The following GLB1 variants were observed in gnomAD, a reference collection of about 807,000 sequenced individuals.
GLB1 encodes beta-galactosidase.
A neutral mutation model predicts 74.0 loss-of-function variants in GLB1; 56 were observed. The observed-to-expected ratio is 0.76, with a 90% confidence interval of 0.61 to 0.94. GLB1 has a LOEUF of 0.94. GLB1 is among the 40% of genes least tolerant of loss of function. The pLI, the probability that GLB1 is intolerant of heterozygous loss-of-function variation, is 0.00. For synonymous variants in GLB1, 323 were observed against 323.6 expected (o/e 1.00, Z 0.02); for missense variants, 787 against 845.5 (o/e 0.93, Z 0.86).
intron 1 of GLB1, among the ~76,000 whole-genome samples, chr3:33,078,169 A>G (rs193007418): frequency 1.3e-5 from 2 of 152,326 alleles, no homozygotes; most frequent in African/African-American, 4.8e-5. Flanking sequence ...GCTCGAGCCC[A>G]GGAGGTCAAG....
intron 1 of GLB1, chr3:33,092,665 A>G: frequency 7.1e-7 from 1 of 1,402,110 alleles, no homozygotes; most frequent in East Asian, 2.5e-5. Context: ...CAGCCTGAAC[A>G]TGCCAGGCAG....
intron 1 of GLB1, chr3:33,094,012 A>G (rs1700891324): frequency 6.2e-7 from 1 of 1,614,122 alleles, no homozygotes; most frequent in Admixed American, 1.7e-5. Flanking sequence ...CGCCAAATGT[A>G]GAGGGAGCCA....
At chr3:33,026,001 C>G (rs1240855966) in intron 10 of GLB1, among the ~76,000 whole-genome samples, 1 of 152,154 alleles carries the variant, frequency 6.6e-6, no homozygotes, top group Admixed American at 6.5e-5. Flanking sequence ...GAGTCACCCG[C>G]TGGTGGGGGA....
At chr3:33,002,593 G>C (rs1696625028) in intron 15 of GLB1, among the ~76,000 whole-genome samples, 3 of 152,076 alleles carry the variant, frequency 2.0e-5, no homozygotes, top group Admixed American at 2.0e-4. Context: ...TTTAAAAATA[G>C]ACATAGAATC....
intron 14 of GLB1, among the ~76,000 whole-genome samples, chr3:33,014,814 A>G (rs536653255): frequency 1.4e-4 from 21 of 152,268 alleles, no homozygotes; most frequent in South Asian, 8.3e-4. Context: ...TAAAAATACA[A>G]AAGTTAGCTG....
At chr3:33,059,872 G>A (rs1699373861) in intron 5 of GLB1, among the ~76,000 whole-genome samples, 1 of 152,138 alleles carries the variant, frequency 6.6e-6, no homozygotes, top group African/African-American at 2.4e-5. Context: ...TGTGATCCTG[G>A]GAATACATGA....
chr3:33,010,047 C>CT, intron 15 of GLB1, among the ~76,000 whole-genome samples: 1 of 152,322 alleles, frequency 6.6e-6, no homozygotes, highest in East Asian at 1.9e-4. Context: ...TATAATACTG[C>CT]TATAAACACT....
At chr3:33,095,360 A>G (rs920709044) in intron 1 of GLB1, among the ~76,000 whole-genome samples, 2 of 151,244 alleles carry the variant, frequency 1.3e-5, no homozygotes, top group Admixed American at 6.6e-5. Flanking sequence ...TACTAAAAAT[A>G]CAAAAAAAGA....
intron 10 of GLB1, among the ~76,000 whole-genome samples, chr3:33,028,303 A>C (rs902814467): frequency 1.3e-5 from 2 of 152,200 alleles, no homozygotes; most frequent in Admixed American, 1.3e-4. Flanking sequence ...TTAACACATG[A>C]GAGTACAGCC....
At chr3:33,091,401 A>C in intron 1 of GLB1, 1 of 985,524 alleles carries the variant, frequency 1.0e-6, no homozygotes, top group Non-Finnish European at 1.2e-6. Flanking sequence ...AACCCCTAGC[A>C]GTTGCTGCTT....
rs1385721193 is a variant in GLB1, at chr3:33,096,915, G to C, written c.75+96C>G. On this transcript the variant is annotated intron_variant, in intron 1 of 15. Transcript: ENST00000307363. ...GGGCACTTCGGGGCTCAGGCTCCCC[G>C]CCCTGCGGGACCGCGGGTGGCTGCG... 9 of 1,530,584 alleles carry C rather than the reference G, an allele frequency of 5.9e-6. No homozygotes were observed. The Admixed American group carries it at 1.4e-4, about 24-fold the overall frequency. 94.8% of individuals were successfully genotyped at this position (1,530,584 alleles called of 1,614,324 possible). A position where few individuals can be genotyped will look rare whatever the true frequency, so the allele number is the denominator to read the frequency against.
At position 33,016,812 on chromosome 3, in the gene GLB1, T is replaced by C. The variant is rs769139481; in HGVS notation, c.1376A>G (p.Asn459Ser). ...CCCTGTTATGTTCAGAGTGATCACA[T>C]TGTTTCGCTCAAGGACTCCCTGGGG... ...GIPQGVLERN[N>S]VITLNITGKA... is the part of the protein sequence containing the mutation. The change falls in exon 14 of 16, where the codon AAT (asparagine) becomes AGT (serine). Residue 459 changes from asparagine (N) to serine (S), a missense_variant. Transcript: ENST00000307363. 35 of 1,613,988 alleles carry C rather than the reference T, an allele frequency of 2.2e-5. No homozygotes were observed. The highest frequency in any genetic ancestry group is 3.3e-4 in the Middle Eastern group (2 of 6,082).
At chr3:33,020,492 T>C (rs1697421932) in intron 12 of GLB1, among the ~76,000 whole-genome samples, 2 of 152,198 alleles carry the variant, frequency 1.3e-5, no homozygotes, top group South Asian at 2.1e-4. Flanking sequence ...GAAGGACATA[T>C]CACCTTTGTT....
intron 4 of GLB1, 62 bp downstream of exon 4, chr3:33,068,168 T>G: frequency 6.2e-7 from 1 of 1,610,740 alleles, no homozygotes; most frequent in Non-Finnish European, 8.5e-7. Flanking sequence ...ATTACAGGCG[T>G]GAGCCACCGC....
At chr3:33,001,213 T>C (rs1262491808) in intron 15 of GLB1, among the ~76,000 whole-genome samples, 2 of 150,084 alleles carry the variant, frequency 1.3e-5, no homozygotes, top group African/African-American at 4.9e-5. Context: ...CTTCCTGTCT[T>C]CTCTCTTCTC....
rs748873359 is a variant in GLB1, at chr3:33,072,547, T to A, written c.242A>T (p.Gln81Leu). The change falls in exon 2 of 16, where the codon CAG (glutamine) becomes CTG (leucine). Residue 81 changes from glutamine (Q) to leucine (L), a missense_variant. Coordinates refer to ENST00000307363, the MANE Select transcript of GLB1 (RefSeq NM_000404.4). ...KMKMAGLNAI[Q>L]TYVPWNFHEP... ...AGCCACATGCCCTCCTACTTACGTC[T>A]GGATGGCGTTCAGCCCAGCCATCTT... 2.5e-6 allele frequency: 4 copies of A among 1,613,248 alleles called. No homozygotes were observed. Among genetic ancestry groups the A allele is most frequent in the Non-Finnish European group, 3.4e-6 (4 of 1,180,020 alleles).
chr3:33,035,116 T>C (rs1168383933), intron 10 of GLB1, among the ~76,000 whole-genome samples: 1 of 151,638 alleles, frequency 6.6e-6, no homozygotes, highest in African/African-American at 2.4e-5. Flanking sequence ...AAGCAGTTAA[T>C]AAAACCAAAT....
chr3:32,990,323 T>A, the GLB1 span, among the ~76,000 whole-genome samples: 1 of 152,204 alleles, frequency 6.6e-6, no homozygotes, highest in Non-Finnish European at 1.5e-5. Context: ...TAAGACTGGA[T>A]TCAGCATGCT....
At chr3:33,075,998 T>C (rs1700088449) in intron 1 of GLB1, among the ~76,000 whole-genome samples, 3 of 151,022 alleles carry the variant, frequency 2.0e-5, no homozygotes, top group South Asian at 2.1e-4. Context: ...TGAGCCGAGA[T>C]TGTGCCACTG....
Sources: gnomAD v4.1 joint callset for allele counts (sites outside exome capture counted in the v4.1 genomes callset) on GRCh38, gnomAD v4.1.1 for gene constraint, MANE v1.5 for transcripts, NCBI Gene and HGNC (gene_info 2026-07-23, HGNC 2026-07-21) for gene names.